The following DMD variants were observed in gnomAD, a reference collection of about 807,000 sequenced individuals.
The protein encoded by DMD is dystrophin.
Under a neutral mutation model 330.1 loss-of-function variants are expected in DMD, and 63 were observed. The ratio of observed to expected loss-of-function variants is 0.19; its 90% confidence interval spans 0.16 to 0.24. DMD has a LOEUF of 0.24. Among genes scored for constraint, DMD ranks in the 10% least tolerant of loss-of-function variants. The pLI, the probability that DMD is intolerant of heterozygous loss-of-function variation, is 1.00. For missense variants in DMD, 3,344 were observed against 2,684.1 expected (o/e 1.25, Z -5.43); for synonymous variants, 1,223 against 959.8 (o/e 1.27, Z -5.07).
chrX:31,789,074 C>G (rs914281390), intron 50 of DMD, among the ~76,000 whole-genome samples: 6 of 111,177 alleles, frequency 5.4e-5, no homozygotes, highest in Non-Finnish European at 9.5e-5. Context: ...CATTTACATT[C>G]AAAGTAAATA....
intron 55 of DMD, among the ~76,000 whole-genome samples, chrX:31,562,728 C>T (rs1007854279): frequency 5.4e-5 from 6 of 111,807 alleles, no homozygotes; most frequent in Admixed American, 3.8e-4. Context: ...TCACATGTTG[C>T]GAATACATCT....
At chrX:31,677,897 T>C (rs1306440806) in intron 53 of DMD, among the ~76,000 whole-genome samples, 2 of 112,239 alleles carry the variant, frequency 1.8e-5, no homozygotes, top group African/African-American at 3.2e-5. Flanking sequence ...TTCTGTGTGA[T>C]GGGATGTGGT....
chrX:31,773,986 T>C lies in DMD; in HGVS notation c.7516A>G (p.Ile2506Val), dbSNP rs1048379601. The C allele has an allele frequency of 1.7e-6, 2 of 1,205,881 alleles. No homozygotes were observed. Among genetic ancestry groups the C allele is most frequent in the African/African-American group, 3.6e-5 (2 of 56,311 alleles). ...QRVMVGDLED[I>V]NEMIIKQKAT... ...TTCTGCTTGATGATCATCTCGTTGA[T>C]ATCCTCAAGGTCACCCACCATCACC... Residue 2506 changes from isoleucine (I) to valine (V), a missense_variant, in exon 51 of 79, where the codon ATC (isoleucine) becomes GTC (valine). By Grantham distance (29) the Ile-to-Val change is conservative. Coordinates refer to ENST00000357033, the MANE Select transcript of DMD (RefSeq NM_004006.3).
At chrX:31,467,951 G>A (rs992070807) in intron 59 of DMD, among the ~76,000 whole-genome samples, 15 of 111,729 alleles carry the variant, frequency 1.3e-4, no homozygotes, top group African/African-American at 1.6e-4. Context: ...GTTTATTTGC[G>A]TAGAGGTGTT....
chrX:31,919,778 C>T (rs1242974597), intron 47 of DMD, among the ~76,000 whole-genome samples: 1 of 112,082 alleles, frequency 8.9e-6, no homozygotes, highest in Non-Finnish European at 1.9e-5. Flanking sequence ...TCCATCAGGC[C>T]CTTATCAGCC....
chrX:31,586,556 G>C (rs1268265106), intron 55 of DMD, among the ~76,000 whole-genome samples: 1 of 112,396 alleles, frequency 8.9e-6, no homozygotes, highest in Non-Finnish European at 1.9e-5. Context: ...TGAAAATGTT[G>C]CCCTTTAAAA....
At position 32,682,805 on chromosome X, in the gene DMD, G is replaced by A. The variant is rs149088759; in HGVS notation, c.960+15065C>T. Among the ~76,000 whole-genome samples, 14 of 111,670 alleles carry A rather than the reference G, an allele frequency of 1.3e-4. No homozygotes were observed. The South Asian group carries it at 3.0e-3, about 24-fold the overall frequency. ...TGAGACCATGTAACTAGTTGTGCTC[G>A]TGAGTTGTGAACTGAAGCAGATATG... On this transcript the variant is annotated intron_variant, in intron 9 of 78. Coordinates refer to ENST00000357033, the MANE Select transcript of DMD (RefSeq NM_004006.3).
intron 2 of DMD, among the ~76,000 whole-genome samples, chrX:32,873,506 C>T (rs2083156667): frequency 9.0e-6 from 1 of 111,138 alleles, no homozygotes; most frequent in Non-Finnish European, 1.9e-5. Context: ...TAATTCTAGG[C>T]TCAGCTTTAC....
intron 1 of DMD, among the ~76,000 whole-genome samples, chrX:33,315,945 C>T (rs181972475): frequency 2.2e-4 from 24 of 110,537 alleles, no homozygotes; most frequent in African/African-American, 7.9e-4. Context: ...AACATATGTT[C>T]CTTTATTGAG....
intron 18 of DMD, among the ~76,000 whole-genome samples, chrX:32,514,793 C>T (rs974112709): frequency 1.8e-5 from 2 of 112,506 alleles, no homozygotes; most frequent in Non-Finnish European, 3.8e-5. Context: ...ACAACATCTA[C>T]ATACATACAA....
At chrX:31,868,911 T>C (rs1051400280) in intron 48 of DMD, among the ~76,000 whole-genome samples, 1 of 111,821 alleles carries the variant, frequency 8.9e-6, no homozygotes, top group African/African-American at 3.2e-5. Flanking sequence ...ATTTAATGCA[T>C]AGAACTTGAT....
At chrX:31,411,933 CCCAGCA>C (rs2061663902) in intron 60 of DMD, among the ~76,000 whole-genome samples, 1 of 110,721 alleles carries the variant, frequency 9.0e-6, no homozygotes, top group Non-Finnish European at 1.9e-5. Context: ...TAATCCCAAT[CCCAGCA>C]CTTAGGGAGG....
At chrX:31,857,301 C>T (rs2093628184) in intron 48 of DMD, among the ~76,000 whole-genome samples, 2 of 101,982 alleles carry the variant, frequency 2.0e-5, no homozygotes, top group Admixed American at 2.2e-4. Flanking sequence ...ATCCCTTGAA[C>T]CCAGGAGGCG....
chrX:32,222,326 T>C (rs1165856075), intron 43 of DMD, among the ~76,000 whole-genome samples: 1 of 111,655 alleles, frequency 9.0e-6, no homozygotes, highest in African/African-American at 3.3e-5. Flanking sequence ...TCAAAGAGCC[T>C]GAAAGTTCAC....
chrX:31,194,601 G>C (rs1452350275), intron 67 of DMD, among the ~76,000 whole-genome samples: 1 of 112,263 alleles, frequency 8.9e-6, no homozygotes, highest in Non-Finnish European at 1.9e-5. Context: ...ACCATGGATT[G>C]AACAGATGTA....
chrX:31,501,933 C>A lies in DMD; in HGVS notation c.8391-4989G>T, dbSNP rs1397421850. Among the ~76,000 whole-genome samples the A allele has an allele frequency of 2.4e-4, 27 of 111,060 alleles. 2 individuals are homozygous for A. The highest frequency in any genetic ancestry group is 1.9e-5 in the Non-Finnish European group (1 of 52,897). On this transcript the variant is annotated intron_variant, in intron 56 of 78. Transcript: ENST00000357033. ...TGCCATAAAAACAGACACAAAGACC[C>A]ATGGAAAAGACTAGAGAACCCAAAA...
chrX:32,326,309 G>A (rs921694300), intron 41 of DMD, among the ~76,000 whole-genome samples: 6 of 112,082 alleles, frequency 5.4e-5, no homozygotes, highest in Admixed American at 9.5e-5. Flanking sequence ...TTAGGAACTC[G>A]ACTAAAAGAT....
intron 9 of DMD, among the ~76,000 whole-genome samples, chrX:32,649,865 CAAG>C (rs2060029846): frequency 9.0e-6 from 1 of 110,911 alleles, no homozygotes; most frequent in South Asian, 3.8e-4. Flanking sequence ...ATCTATAAAA[CAAG>C]AAAAATAAAA....
At chrX:31,153,906 CAAATG>C (rs1243798029) in intron 74 of DMD, among the ~76,000 whole-genome samples, 2 of 112,129 alleles carry the variant, frequency 1.8e-5, no homozygotes, top group Non-Finnish European at 3.8e-5. Flanking sequence ...GGCCTGCAAC[CAAATG>C]AAATAAGGTT....
Sources: gnomAD v4.1 joint callset for allele counts (sites outside exome capture counted in the v4.1 genomes callset) on GRCh38, gnomAD v4.1.1 for gene constraint, MANE v1.5 for transcripts, NCBI Gene and HGNC (gene_info 2026-07-23, HGNC 2026-07-21) for gene names.